The following NWD1 variants were observed in gnomAD, a reference collection of about 807,000 sequenced individuals.
NWD1 encodes NACHT domain- and WD repeat-containing protein 1.
A neutral mutation model predicts 135.1 loss-of-function variants in NWD1; 129 were observed. The observed-to-expected ratio is 0.96, with a 90% CI of 0.83 to 1.11. NWD1 has a LOEUF of 1.11. Among genes scored for constraint, NWD1 ranks in the 50% least tolerant of loss-of-function variants. The pLI is 0.00. For synonymous variants in NWD1, 773 were observed against 786.0 expected, an observed-to-expected ratio of 0.98 and a Z score of 0.28; for missense variants, 1,740 against 1,851.3, an observed-to-expected ratio of 0.94 and a Z score of 1.10.
At chr19:16,724,485 C>G (rs1361180343) in intron 2 of NWD1, 22 bp downstream of exon 2, 3 of 152,308 alleles carry the variant, frequency 2.0e-5, no homozygotes, top group South Asian at 2.1e-4. Context: ...TTCTCTCTGC[C>G]TCCAGCGGTG....
rs796790561 is a variant in NWD1, at chr19:16,761,553, G to A, written c.1974-426G>A. 9.9e-5 allele frequency among the ~76,000 whole-genome samples: 15 copies of A among 151,932 alleles called. 1 individual carries two copies. The highest frequency in any genetic ancestry group is 3.4e-4 in the African/African-American group (14 of 41,382). ...TGTATTCTTTTTTTTAGTACAGACA[G>A]GGTTTCACCACGTTGGCCAGGCTGG... On this transcript the variant is annotated intron_variant, in intron 7 of 18. Transcript: ENST00000524140.
At chr19:16,737,204 A>G (rs1261575042) in intron 4 of NWD1, among the ~76,000 whole-genome samples, 1 of 152,118 alleles carries the variant, frequency 6.6e-6, no homozygotes, top group African/African-American at 2.4e-5. Context: ...CTATCAAAAA[A>G]TCAATCTCCA....
intron 5 of NWD1, 83 bp from the exon 6 acceptor site, chr19:16,749,056 A>G (rs1202262552): frequency 1.9e-6 from 2 of 1,069,796 alleles, no homozygotes; most frequent in African/African-American, 3.2e-5. Context: ...TCCCCCAACA[A>G]CAGGTCTCCC....
chr19:16,798,819 G>A (rs1970503801), intron 16 of NWD1, among the ~76,000 whole-genome samples: 1 of 151,982 alleles, frequency 6.6e-6, no homozygotes, highest in Admixed American at 6.6e-5. Flanking sequence ...TAGAGACGGG[G>A]TTCCGCCATG....
rs966066433 is a variant in NWD1 at position 16,744,445 on chromosome 19, C to T, written c.223C>T (p.Pro75Ser). 1 of 1,535,582 alleles carries T rather than the reference C, an allele frequency of 6.5e-7. No individual in the cohort carries two copies. The highest frequency in any genetic ancestry group is 1.4e-5 in the African/African-American group (1 of 72,996). ...GGCCCTCATCGGTGATCAGTACGGCCCCTGTCTGATTCCCTCGCGGATCGA... is the reference window on the plus strand; with the variant it reads ...GGCCCTCATCGGTGATCAGTACGGCTCCTGTCTGATTCCCTCGCGGATCGA... ...FVALIGDQYG[P>S]CLIPSRIDEK... is the part of the protein sequence containing the mutation. The change falls in exon 5 of 19, where the codon CCC becomes TCC. Residue 75 changes from proline (P) to serine (S), a missense_variant. By Grantham distance (74) the Pro-to-Ser change is moderately conservative (BLOSUM62 -1). Coordinates refer to ENST00000524140, the MANE Select transcript of NWD1 (RefSeq NM_001007525.5).
chr19:16,781,176 G>T (rs977553046), intron 12 of NWD1, among the ~76,000 whole-genome samples: 1 of 152,182 alleles, frequency 6.6e-6, no homozygotes, highest in South Asian at 2.1e-4. Flanking sequence ...GCTGAAGAGA[G>T]ATAGACGAGG....
intron 10 of NWD1, 105 bp from the exon 11 acceptor site, chr19:16,773,021 T>G: frequency 1.1e-6 from 1 of 897,060 alleles, no homozygotes. Context: ...TGAGGTATTG[T>G]GTCTTCTTTT....
In NWD1 at chr19:16,749,088, T is replaced by C. The variant is rs775788154; in HGVS notation, c.497-51T>C. The C allele has an allele frequency of 9.7e-6, 14 of 1,439,218 alleles. No individual in the cohort carries two copies. The South Asian group carries it at 1.8e-4, about 19-fold the overall frequency. The allele number at this position is 1,439,218 out of a possible 1,614,324, so 89.2% of individuals were successfully genotyped here. A position where few individuals can be genotyped will look rare whatever the true frequency, so the allele number is the denominator to read the frequency against. ...TCCCAGCAACCCCATTTAGGTCAGC[T>C]GCTGACCCAATAATGACCACACTTC... On this transcript the variant is annotated intron_variant, in intron 5 of 18. Transcript: ENST00000524140.
At chr19:16,770,876 T>C (rs1038416852) in intron 10 of NWD1, among the ~76,000 whole-genome samples, 3 of 152,194 alleles carry the variant, frequency 2.0e-5, no homozygotes, top group Non-Finnish European at 2.9e-5. Flanking sequence ...CTCCACCCAA[T>C]GTGAAGATGC....
intron 10 of NWD1, among the ~76,000 whole-genome samples, chr19:16,767,481 G>A (rs1314339798): frequency 6.6e-6 from 1 of 152,080 alleles, no homozygotes; most frequent in Non-Finnish European, 1.5e-5. Context: ...CAGGCGTGGT[G>A]GCACATGCCT....
intron 15 of NWD1, among the ~76,000 whole-genome samples, chr19:16,795,390 G>A (rs1970384706): frequency 6.6e-6 from 1 of 152,056 alleles, no homozygotes; most frequent in African/African-American, 2.4e-5. Context: ...AAGCCCCAGA[G>A]GGGGTGTTAC....
intron 6 of NWD1, among the ~76,000 whole-genome samples, chr19:16,757,696 C>G (rs925587313): frequency 6.6e-6 from 1 of 152,150 alleles, no homozygotes; most frequent in Non-Finnish European, 1.5e-5. Flanking sequence ...AAGATAGGCT[C>G]TCAACCTAGC....
At chr19:16,791,249 T>C (rs1178772896) in intron 13 of NWD1, 101 bp from the exon 14 acceptor site, 8 of 1,035,990 alleles carry the variant, frequency 7.7e-6, no homozygotes, top group Admixed American at 2.2e-5. Context: ...GAAAAGAAAA[T>C]GCATAAAGTA....
intron 13 of NWD1, among the ~76,000 whole-genome samples, chr19:16,790,642 TAAATA>T (rs1339152840): frequency 3.3e-3 from 234 of 70,688 alleles, no homozygotes; most frequent in African/African-American, 7.0e-3. Flanking sequence ...TAAAAAAAAA[TAAATA>T]AATAAATAAA....
At chr19:16,743,049 A>G (rs1477710488) in intron 4 of NWD1, among the ~76,000 whole-genome samples, 1 of 151,626 alleles carries the variant, frequency 6.6e-6, no homozygotes, top group Non-Finnish European at 1.5e-5. Flanking sequence ...AGTAGCTGGG[A>G]TTACACCTGC....
intron 6 of NWD1, among the ~76,000 whole-genome samples, chr19:16,753,726 C>T (rs1968667910): frequency 6.6e-6 from 1 of 152,130 alleles, no homozygotes; most frequent in Non-Finnish European, 1.5e-5. Flanking sequence ...GATCCAGCCC[C>T]AGATGTTGAT....
intron 12 of NWD1, among the ~76,000 whole-genome samples, chr19:16,781,955 G>A (rs569064241): frequency 2.0e-5 from 3 of 151,366 alleles, no homozygotes; most frequent in East Asian, 2.0e-4. Context: ...TTAGCTGGGC[G>A]TGATGGTGGG....
At chr19:16,736,012 C>G (rs1359993526) in intron 3 of NWD1, among the ~76,000 whole-genome samples, 1 of 151,780 alleles carries the variant, frequency 6.6e-6, no homozygotes, top group Non-Finnish European at 1.5e-5. Flanking sequence ...CTGTTAACCT[C>G]CTGACTTTAT....
intron 18 of NWD1, among the ~76,000 whole-genome samples, chr19:16,814,068 A>G (rs1347182066): frequency 1.3e-5 from 2 of 152,086 alleles, no homozygotes; most frequent in Non-Finnish European, 2.9e-5. Flanking sequence ...TAAAGTGATC[A>G]TGGGAGGTCG....
Sources: allele counts gnomAD v4.1 joint callset (sites outside exome capture counted in the v4.1 genomes callset), GRCh38; gene constraint gnomAD v4.1.1; transcripts MANE v1.5; gene names NCBI Gene and HGNC (gene_info 2026-07-23, HGNC 2026-07-21).